Variants in EVI5 observed in about 807,000 individuals in gnomAD.
EVI5 encodes ecotropic viral integration site 5 protein homolog.
EVI5 carries 73 observed loss-of-function variants against 112.0 expected under a neutral mutation model. That is an observed-to-expected ratio of 0.65 (90% CI 0.54 to 0.79). EVI5 has a LOEUF of 0.79. Among genes scored for constraint, EVI5 ranks in the 30% least tolerant of loss-of-function variants. The pLI is 0.00. For missense variants in EVI5, 900 were observed against 968.8 expected (o/e 0.93, Z 0.94); for synonymous variants, 305 against 319.9 (o/e 0.95, Z 0.50).
chr1:92,784,210 G>A (rs1685290241), intron 1 of EVI5: 2 of 650,300 alleles, frequency 3.1e-6, no homozygotes, highest in African/African-American at 2.0e-5. Flanking sequence ...GGAAATCACA[G>A]CAACTCTTTT....
chr1:92,624,062 T>C (rs973122367), intron 16 of EVI5, 114 bp downstream of exon 16: 1 of 918,878 alleles, frequency 1.1e-6, no homozygotes, highest in African/African-American at 1.7e-5. Context: ...AACTGCGGTC[T>C]ATACAGCTTC....
At chr1:92,545,825 A>C (rs1034591032) in intron 19 of EVI5, among the ~76,000 whole-genome samples, 2 of 151,896 alleles carry the variant, frequency 1.3e-5, no homozygotes, top group Admixed American at 6.6e-5. Context: ...CCTACCTTTC[A>C]TACTAATCCT....
intron 2 of EVI5, among the ~76,000 whole-genome samples, chr1:92,722,923 G>C (rs960432582): frequency 3.3e-5 from 5 of 152,176 alleles, no homozygotes; most frequent in African/African-American, 4.8e-5. Context: ...TGAGTGCTGA[G>C]AGCCAAAGAA....
At chr1:92,602,233 A>G (rs1242201017) in intron 18 of EVI5, among the ~76,000 whole-genome samples, 2 of 152,212 alleles carry the variant, frequency 1.3e-5, no homozygotes, top group African/African-American at 4.8e-5. Context: ...AAAATTCTAG[A>G]TGTTACAGCA....
intron 1 of EVI5, among the ~76,000 whole-genome samples, chr1:92,772,215 T>C (rs1444356252): frequency 6.6e-6 from 1 of 152,078 alleles, no homozygotes; most frequent in Non-Finnish European, 1.5e-5. Flanking sequence ...ACTAGATCTT[T>C]TATAGATGGC....
chr1:92,562,107 T>C (rs1668730554), intron 19 of EVI5, among the ~76,000 whole-genome samples: 1 of 152,250 alleles, frequency 6.6e-6, no homozygotes, highest in Non-Finnish European at 1.5e-5. Context: ...GGTTGCTTTA[T>C]TTTAATCACA....
intron 16 of EVI5, among the ~76,000 whole-genome samples, chr1:92,622,842 G>C (rs950651616): frequency 6.6e-6 from 1 of 152,108 alleles, no homozygotes; most frequent in Non-Finnish European, 1.5e-5. Context: ...AAACCACCTA[G>C]TTGAAATTAA....
chr1:92,718,145 A>G (rs183153654), intron 2 of EVI5, among the ~76,000 whole-genome samples: 5 of 152,262 alleles, frequency 3.3e-5, no homozygotes, highest in Non-Finnish European at 7.4e-5. Flanking sequence ...AAGACAGAAC[A>G]TTAACAAGGA....
intron 18 of EVI5, among the ~76,000 whole-genome samples, chr1:92,604,789 A>G (rs1010685182): frequency 1.3e-5 from 2 of 152,210 alleles, no homozygotes; most frequent in Non-Finnish European, 2.9e-5. Flanking sequence ...GTGTTGCACT[A>G]TAACATAATG....
chr1:92,652,797 T>A (rs1662357189), intron 13 of EVI5, among the ~76,000 whole-genome samples: 1 of 152,136 alleles, frequency 6.6e-6, no homozygotes, highest in Admixed American at 6.5e-5. Flanking sequence ...AACCATAATG[T>A]GAATAGACTA....
At chr1:92,517,230 C>T (rs745545872) in intron 19 of EVI5, among the ~76,000 whole-genome samples, 6 of 152,160 alleles carry the variant, frequency 3.9e-5, no homozygotes, top group African/African-American at 1.4e-4. Flanking sequence ...GTCATCATCA[C>T]CTAAACAATA....
At chr1:92,673,579 G>A (rs1558042137) in intron 10 of EVI5, among the ~76,000 whole-genome samples, 1 of 151,998 alleles carries the variant, frequency 6.6e-6, no homozygotes, top group Non-Finnish European at 1.5e-5. Context: ...TGATCTGCCT[G>A]CCTCGGCCTC....
At chr1:92,530,854 T>A (rs1662751647) in intron 19 of EVI5, among the ~76,000 whole-genome samples, 1 of 151,570 alleles carries the variant, frequency 6.6e-6, no homozygotes, top group Non-Finnish European at 1.5e-5. Context: ...AGACTGAAAA[T>A]TCCAAAAACC....
At chr1:92,708,944 AGTGAAGG>A (rs1672431328) in intron 2 of EVI5, among the ~76,000 whole-genome samples, 1 of 152,152 alleles carries the variant, frequency 6.6e-6, no homozygotes, top group Non-Finnish European at 1.5e-5. Flanking sequence ...TTGTAGTAGG[AGTGAAGG>A]TAGTCAGGAA....
intron 1 of EVI5, among the ~76,000 whole-genome samples, chr1:92,778,798 TG>T (rs1684488862): frequency 6.6e-6 from 1 of 152,174 alleles, no homozygotes; most frequent in African/African-American, 2.4e-5. Context: ...GAAAGGGATA[TG>T]AAGGAATTTT....
chr1:92,785,627 C>A (rs1052114993), upstream of EVI5, among the ~76,000 whole-genome samples: 1 of 152,108 alleles, frequency 6.6e-6, no homozygotes, highest in East Asian at 1.9e-4. Context: ...AACATGGGCA[C>A]GAATACGTAA....
intron 2 of EVI5, among the ~76,000 whole-genome samples, chr1:92,716,375 G>C (rs1413952873): frequency 6.6e-6 from 1 of 152,198 alleles, no homozygotes; most frequent in Admixed American, 6.5e-5. Context: ...GAAACTGAGG[G>C]TTCTGACTGT....
chr1:92,558,832 A>C, intron 19 of EVI5, among the ~76,000 whole-genome samples: 1 of 142,866 alleles, frequency 7.0e-6, no homozygotes. Flanking sequence ...TGAGACCCCC[A>C]TCTCTAAAAA....
chr1:92,556,081 T>C (rs1667642473), intron 19 of EVI5, among the ~76,000 whole-genome samples: 1 of 150,338 alleles, frequency 6.7e-6, no homozygotes, highest in Admixed American at 6.6e-5. Context: ...TTTTTTTTTC[T>C]GAGATGAAGT....
Sources: gnomAD v4.1 joint callset for allele counts (sites outside exome capture counted in the v4.1 genomes callset) on GRCh38, gnomAD v4.1.1 for gene constraint, MANE v1.5 for transcripts, NCBI Gene and HGNC (gene_info 2026-07-23, HGNC 2026-07-21) for gene names.